The following PLEKHA8 variants were observed in gnomAD, a reference collection of about 807,000 sequenced individuals.
PLEKHA8 encodes pleckstrin homology domain containing A8.
Under a neutral mutation model 68.2 loss-of-function variants are expected in PLEKHA8, and 36 were observed. The observed-to-expected ratio is 0.53, with a 90% CI of 0.40 to 0.70. The LOEUF (loss-of-function observed/expected upper bound fraction) is 0.70, where lower values mean the gene tolerates loss of function less well. Ranked by LOEUF, PLEKHA8 falls within the 30% of genes least tolerant of loss-of-function variation. PLEKHA8 has a pLI of 0.00. For missense variants in PLEKHA8, 505 were observed against 615.4 expected (o/e 0.82, Z 1.90); for synonymous variants, 211 against 216.1 (o/e 0.98, Z 0.20).
downstream of PLEKHA8, among the ~76,000 whole-genome samples, chr7:30,093,986 A>T (rs970359940): frequency 1.4e-4 from 22 of 152,214 alleles, no homozygotes; most frequent in African/African-American, 4.6e-4. Context: ...ATTAGCTGAG[A>T]TGACACATTG....
chr7:30,081,979 C>G lies in PLEKHA8; in HGVS notation c.*3192C>G. 1.1e-6 allele frequency: 1 copy of G among 941,448 alleles called. No homozygotes were observed. The highest frequency in any genetic ancestry group is 1.3e-6 in the Non-Finnish European group (1 of 790,188). 58.3% of individuals were successfully genotyped at this position (941,448 alleles called of 1,614,324 possible). On this transcript the variant is annotated 3_prime_UTR_variant, in exon 14 of 14. Transcript: ENST00000449726. Reference sequence around the variant, plus strand: ...GTGAAAAATGTTAAATTGGAGAGATCCCTTTTGGGAGTGAAACCAAATTGT... The same window carrying G: ...GTGAAAAATGTTAAATTGGAGAGATGCCTTTTGGGAGTGAAACCAAATTGT...
chr7:30,092,184 G>T (rs1464215020), downstream of PLEKHA8, among the ~76,000 whole-genome samples: 6 of 152,182 alleles, frequency 3.9e-5, no homozygotes. Context: ...TATTGCAAAA[G>T]ATTGTTATAA....
rs563265642 is a variant in PLEKHA8, at chr7:30,115,619, CACAT to C, written c.1363-13642_1363-13639del. Among the ~76,000 whole-genome samples, 445 of 151,718 alleles carry C rather than the reference CACAT, an allele frequency of 2.9e-3. 3 individuals carry two copies. Among genetic ancestry groups the C allele is most frequent in the African/African-American group, 0.01 (432 of 41,414 alleles). ...ATGTATACATACATTTATACATGCA[CACAT>C]ACATGTACACATACATGCACACATG... On this transcript the variant is annotated intron_variant, in intron 13 of 13. Coordinates refer to the PLEKHA8 transcript ENST00000396257.
chr7:30,097,285 G>A (rs1295103913), intron 13 of PLEKHA8, among the ~76,000 whole-genome samples: 2 of 152,088 alleles, frequency 1.3e-5, no homozygotes, highest in African/African-American at 4.8e-5. Flanking sequence ...CAACTTTGGT[G>A]AATCTGATAA....
At chr7:30,107,160 T>G (rs906609038) in intron 13 of PLEKHA8, among the ~76,000 whole-genome samples, 2 of 152,138 alleles carry the variant, frequency 1.3e-5, no homozygotes, top group Non-Finnish European at 2.9e-5. Flanking sequence ...TTCCTACCAA[T>G]GAATATAGTT....
chr7:30,098,187 G>A (rs1795705855), intron 13 of PLEKHA8, among the ~76,000 whole-genome samples: 1 of 152,228 alleles, frequency 6.6e-6, no homozygotes, highest in Non-Finnish European at 1.5e-5. Context: ...TCCTCTGGAA[G>A]TTTTGTCTCA....
intron 3 of PLEKHA8, among the ~76,000 whole-genome samples, chr7:30,047,503 A>G (rs1168123834): frequency 2.6e-5 from 4 of 152,210 alleles, no homozygotes; most frequent in Admixed American, 2.6e-4. Flanking sequence ...ACTGAGGCCA[A>G]AACTCTGAAC....
chr7:30,100,337 G>A (rs552461391), intron 13 of PLEKHA8, among the ~76,000 whole-genome samples: 1 of 152,250 alleles, frequency 6.6e-6, no homozygotes, highest in Non-Finnish European at 1.5e-5. Flanking sequence ...GATCACTTGA[G>A]GCCAGGAGTT....
intron 13 of PLEKHA8, among the ~76,000 whole-genome samples, chr7:30,116,570 A>T (rs1796572229): frequency 6.6e-6 from 1 of 152,226 alleles, no homozygotes; most frequent in Non-Finnish European, 1.5e-5. Context: ...GAAATAAAAA[A>T]GGGAATAGCT....
chr7:30,088,190 C>T (rs925824517), downstream of PLEKHA8, among the ~76,000 whole-genome samples: 1 of 152,260 alleles, frequency 6.6e-6, no homozygotes, highest in South Asian at 2.1e-4. Context: ...TTTTTGAGTG[C>T]CTGACCACTC....
Position 30,081,629 on chromosome 7 carries a change from G to T in PLEKHA8, c.*2842G>T. ...TGTGAGAGGAGGTGAGAAAACTCTAGTATTTTGTTGGCAGAGTAATCACTT... is the reference window on the plus strand; with the variant it reads ...TGTGAGAGGAGGTGAGAAAACTCTATTATTTTGTTGGCAGAGTAATCACTT... On this transcript the variant is annotated 3_prime_UTR_variant, in exon 14 of 14. Coordinates refer to ENST00000449726, the MANE Select transcript of PLEKHA8 (RefSeq NM_001197026.2). 1.0e-6 allele frequency: 1 copy of T among 985,340 alleles called. No homozygotes were observed. The highest frequency in any genetic ancestry group is 1.2e-6 in the Non-Finnish European group (1 of 829,860). The allele number at this position is 985,340 out of a possible 1,614,324, so 61.0% of individuals were successfully genotyped here. A position where few individuals can be genotyped will look rare whatever the true frequency, so the allele number is the denominator to read the frequency against.
chr7:30,082,882 TTAAG>T lies in PLEKHA8; in HGVS notation c.*4097_*4100del. The T allele has an allele frequency of 2.0e-6, 2 of 985,214 alleles. No individual in the cohort carries two copies. Among genetic ancestry groups the T allele is most frequent in the Non-Finnish European group, 2.4e-6 (2 of 829,850 alleles). 61.0% of individuals were successfully genotyped at this position (985,214 alleles called of 1,614,324 possible). On this transcript the variant is annotated 3_prime_UTR_variant, in exon 14 of 14. Coordinates refer to ENST00000449726, the MANE Select transcript of PLEKHA8 (RefSeq NM_001197026.2). ...ATTTGGGGAGCTTCCTGGAGGAAAA[TTAAG>T]TTTTTTTCCTAGCAAACTACCATGT...
chr7:30,097,463 C>T (rs1434083416), intron 13 of PLEKHA8, among the ~76,000 whole-genome samples: 2 of 152,170 alleles, frequency 1.3e-5, no homozygotes, highest in Admixed American at 6.5e-5. Flanking sequence ...TTCAGGTACA[C>T]CAATCAGACG....
intron 13 of PLEKHA8, among the ~76,000 whole-genome samples, chr7:30,128,403 G>A (rs940103737): frequency 5.3e-5 from 8 of 152,158 alleles, no homozygotes; most frequent in South Asian, 4.2e-4. Flanking sequence ...CACTATGCCC[G>A]GCTGTTTGGT....
chr7:30,062,168 T>G, intron 11 of PLEKHA8, 141 bp downstream of exon 11: 2 of 952,284 alleles, frequency 2.1e-6, no homozygotes, highest in Non-Finnish European at 3.0e-6. Flanking sequence ...GCCTAATGAA[T>G]AATACCACCT....
At chr7:30,049,117 G>T in intron 4 of PLEKHA8, 107 bp from the exon 5 acceptor site, 1 of 1,296,332 alleles carries the variant, frequency 7.7e-7, no homozygotes, top group South Asian at 1.2e-5. Context: ...ATTTCAGCAG[G>T]TGGGTACATT....
intron 13 of PLEKHA8, among the ~76,000 whole-genome samples, chr7:30,117,546 A>G (rs1372161254): frequency 6.6e-6 from 1 of 152,100 alleles, no homozygotes; most frequent in Non-Finnish European, 1.5e-5. Context: ...CTCCACTAAA[A>G]TAAAAAAATT....
intron 13 of PLEKHA8, among the ~76,000 whole-genome samples, chr7:30,103,513 A>G (rs897388819): frequency 6.6e-6 from 1 of 152,252 alleles, no homozygotes; most frequent in Non-Finnish European, 1.5e-5. Flanking sequence ...TGGGAGACAT[A>G]TATTAGTGAA....
At chr7:30,086,159 A>T (rs557698117), downstream of PLEKHA8, among the ~76,000 whole-genome samples, 2 of 152,192 alleles carry the variant, frequency 1.3e-5, no homozygotes, top group Admixed American at 1.3e-4. Context: ...CCCAAATGAG[A>T]TATGTTGAGG....
Sources: gnomAD v4.1 joint callset for allele counts (sites outside exome capture counted in the v4.1 genomes callset) on GRCh38, gnomAD v4.1.1 for gene constraint, MANE v1.5 for transcripts, NCBI Gene and HGNC (gene_info 2026-07-23, HGNC 2026-07-21) for gene names.